MTUS1: variants seen among roughly 807,000 people sequenced by gnomAD.
MTUS1 encodes the protein microtubule associated scaffold protein 1, also known as microtubule-associated tumor suppressor 1.
Under a neutral mutation model 120.8 loss-of-function variants are expected in MTUS1, and 109 were observed. The ratio of observed to expected loss-of-function variants is 0.90; its 90% CI spans 0.77 to 1.06. The LOEUF (loss-of-function observed/expected upper bound fraction) is 1.06. Among genes scored for constraint, MTUS1 ranks in the 50% least tolerant of loss-of-function variants. The probability of loss-of-function intolerance (pLI) is 0.00; values close to 1 mark genes in which losing one functional copy is unlikely to be tolerated. For synonymous variants in MTUS1, 737 were observed against 550.5 expected (o/e 1.34, Z -4.74); for missense variants, 2,210 against 1,486.3 (o/e 1.49, Z -8.01).
At chr8:17,713,189 C>T (rs117652362) in intron 6 of MTUS1, 25 bp downstream of exon 6, 46,210 of 1,558,496 alleles carry the variant, frequency 0.03, 819 homozygotes, top group Non-Finnish European at 0.034. Flanking sequence ...TTCTTTTTAT[C>T]GCCATCCATA....
At chr8:17,703,185 T>C in intron 6 of MTUS1, among the ~76,000 whole-genome samples, 1 of 152,188 alleles carries the variant, frequency 6.6e-6, no homozygotes, top group Non-Finnish European at 1.5e-5. Context: ...ATATTTTTCT[T>C]CTTGCAGAGA....
intron 6 of MTUS1, chr8:17,697,395 C>A: frequency 1.2e-6 from 2 of 1,612,570 alleles, no homozygotes; most frequent in Non-Finnish European, 1.7e-6. Flanking sequence ...GAGCAGGTGG[C>A]GAGATTTCAC....
At chr8:17,664,718 G>A (rs886190263) in intron 8 of MTUS1, among the ~76,000 whole-genome samples, 1 of 152,116 alleles carries the variant, frequency 6.6e-6, no homozygotes, top group South Asian at 2.1e-4. Flanking sequence ...GTGTGATGAT[G>A]TCATAACATT....
chr8:17,713,370 C>T (rs963264412), intron 5 of MTUS1, 118 bp from the exon 6 acceptor site: 23 of 629,472 alleles, frequency 3.7e-5, no homozygotes, highest in East Asian at 1.9e-4. Context: ...TTCAGGTTCC[C>T]GGTGGGAAAT....
rs181322224 is a variant in MTUS1 at position 17,693,853 on chromosome 8, G to T, written c.2624-9311C>A. Among the ~76,000 whole-genome samples, 61 of 152,286 alleles carry T rather than the reference G, an allele frequency of 4.0e-4. 1 individual carries two copies. The highest frequency in any genetic ancestry group is 3.5e-3 in the East Asian group (18 of 5,176). ...TCATACTTTCAGCACCTACCATTAT[G>T]CCTGGTACACAGTACTCATCTAACG... On this transcript the variant is annotated intron_variant, in intron 6 of 14. Coordinates refer to ENST00000693296, the MANE Select transcript of MTUS1 (RefSeq NM_001363059.2).
intron 3 of MTUS1, among the ~76,000 whole-genome samples, chr8:17,736,061 T>C (rs750632151): frequency 6.6e-6 from 1 of 152,152 alleles, no homozygotes; most frequent in Non-Finnish European, 1.5e-5. Context: ...GTTTGTAGTC[T>C]CAGAATCTAG....
intron 4 of MTUS1, among the ~76,000 whole-genome samples, chr8:17,720,654 C>T (rs367842800): frequency 1.3e-5 from 2 of 152,206 alleles, no homozygotes; most frequent in African/African-American, 2.4e-5. Flanking sequence ...GTTATACACT[C>T]TCCCAAGACC....
At chr8:17,744,780 G>C (rs1305038129) in intron 2 of MTUS1, among the ~76,000 whole-genome samples, 1 of 145,500 alleles carries the variant, frequency 6.9e-6, no homozygotes, top group Non-Finnish European at 1.5e-5. Flanking sequence ...TCCACACTTC[G>C]TGATCTGCCG....
chr8:17,720,773 G>C (rs150725302), intron 4 of MTUS1, among the ~76,000 whole-genome samples: 1 of 152,076 alleles, frequency 6.6e-6, no homozygotes, highest in Admixed American at 6.5e-5. Flanking sequence ...CTGGATATTA[G>C]GTATCTGAGT....
intron 7 of MTUS1, chr8:17,681,623 C>A (rs1814526723): frequency 6.5e-6 from 1 of 154,718 alleles, no homozygotes; most frequent in South Asian, 2.0e-4. Context: ...GGCATGATGG[C>A]AAAACCGCAA....
intron 7 of MTUS1, among the ~76,000 whole-genome samples, chr8:17,683,618 T>C (rs900686970): frequency 1.3e-5 from 2 of 152,094 alleles, no homozygotes; most frequent in Non-Finnish European, 2.9e-5. Flanking sequence ...CTTTGCATTA[T>C]CATGTATAGC....
chr8:17,696,405 A>G (rs79348862), intron 6 of MTUS1, among the ~76,000 whole-genome samples: 1 of 152,146 alleles, frequency 6.6e-6, no homozygotes, highest in African/African-American at 2.4e-5. Flanking sequence ...CATGAAGCAG[A>G]AACAAAAATC....
intron 1 of MTUS1, among the ~76,000 whole-genome samples, chr8:17,773,334 G>C (rs1474745080): frequency 1.3e-5 from 2 of 152,202 alleles, no homozygotes; most frequent in Non-Finnish European, 2.9e-5. Flanking sequence ...ACTGTCATTA[G>C]AGGTGGCCTA....
chr8:17,658,681 G>C (rs575767008), intron 8 of MTUS1, among the ~76,000 whole-genome samples: 6 of 152,292 alleles, frequency 3.9e-5, no homozygotes, highest in African/African-American at 1.2e-4. Context: ...GAAGGAAGAA[G>C]ATTATTTTAG....
At chr8:17,660,320 C>G (rs922777906) in intron 8 of MTUS1, among the ~76,000 whole-genome samples, 4 of 152,150 alleles carry the variant, frequency 2.6e-5, no homozygotes, top group African/African-American at 9.7e-5. Context: ...TTGCAGTGAG[C>G]CAAGATAACG....
At chr8:17,729,195 A>C (rs2046403039) in intron 3 of MTUS1, among the ~76,000 whole-genome samples, 1 of 152,250 alleles carries the variant, frequency 6.6e-6, no homozygotes, top group Non-Finnish European at 1.5e-5. Flanking sequence ...ACCTACAGTA[A>C]CTAGGAATTA....
intron 8 of MTUS1, among the ~76,000 whole-genome samples, chr8:17,661,501 G>C (rs1197129360): frequency 6.6e-6 from 1 of 152,128 alleles, no homozygotes; most frequent in Non-Finnish European, 1.5e-5. Context: ...AGACTACCCT[G>C]GCTGATTTTA....
chr8:17,681,059 G>A (rs545965950), intron 7 of MTUS1, among the ~76,000 whole-genome samples: 4 of 151,952 alleles, frequency 2.6e-5, no homozygotes, highest in South Asian at 4.2e-4. Context: ...TTAGCCTCCC[G>A]AGTAGCTGGG....
chr8:17,790,241 G>A (rs548444990), intron 1 of MTUS1, among the ~76,000 whole-genome samples: 183 of 151,768 alleles, frequency 1.2e-3, no homozygotes, highest in Non-Finnish European at 2.2e-3. Flanking sequence ...CCAGCTACTC[G>A]GGAGGCTGAG....
Sources: gnomAD v4.1 joint callset for allele counts (sites outside exome capture counted in the v4.1 genomes callset) on GRCh38, gnomAD v4.1.1 for gene constraint, MANE v1.5 for transcripts, NCBI Gene and HGNC (gene_info 2026-07-23, HGNC 2026-07-21) for gene names.